The following PHF21A variants were observed in gnomAD, a reference collection of about 807,000 sequenced individuals.
PHF21A encodes the protein PHD finger protein 21A.
In PHF21A, 11 loss-of-function variants were observed where a neutral mutation model predicts 82.5. That is an observed-to-expected ratio of 0.13 (90% CI 0.08 to 0.22). PHF21A has a LOEUF of 0.22. Ranked by LOEUF, PHF21A falls within the 10% of genes least tolerant of loss-of-function variation. The probability of loss-of-function intolerance (pLI) is 1.00; values close to 1 mark genes in which losing one functional copy is unlikely to be tolerated. For synonymous variants in PHF21A, 297 were observed against 302.8 expected (o/e 0.98, Z 0.20); for missense variants, 579 against 837.8 (o/e 0.69, Z 3.81).
At chr11:46,095,933 G>A (rs1435643864) in intron 1 of PHF21A, among the ~76,000 whole-genome samples, 1 of 152,128 alleles carries the variant, frequency 6.6e-6, no homozygotes, top group Non-Finnish European at 1.5e-5. Flanking sequence ...TTACCCAGAA[G>A]ATTCAATCTC....
chr11:46,095,863 T>G (rs1167347637), intron 1 of PHF21A, among the ~76,000 whole-genome samples: 1 of 152,184 alleles, frequency 6.6e-6, no homozygotes, highest in Non-Finnish European at 1.5e-5. Flanking sequence ...ATCATAAATT[T>G]TGATAAGGGA....
chr11:46,024,136 A>T (rs2095690401), intron 6 of PHF21A, among the ~76,000 whole-genome samples: 1 of 152,168 alleles, frequency 6.6e-6, no homozygotes, highest in Non-Finnish European at 1.5e-5. Flanking sequence ...TAATGATTTT[A>T]TATGTTGGGC....
intron 1 of PHF21A, chr11:46,116,733 G>C (rs772907449): frequency 2.6e-5 from 4 of 152,186 alleles, no homozygotes; most frequent in Admixed American, 6.5e-5. Flanking sequence ...GGAGGCCAAG[G>C]CAGGTGGATC....
rs951791835 is a variant in PHF21A, at chr11:46,098,145, T to G, written c.-236-5922A>C. 5.9e-5 allele frequency among the ~76,000 whole-genome samples: 9 copies of G among 152,300 alleles called. No individual in the cohort carries two copies. The South Asian group carries it at 6.2e-4, about 11-fold the overall frequency. The stretch of plus-strand genomic sequence containing the variant: ...AGGGCAGATCCATACCTTCATTTCA[T>G]GGAGGAACAGAGGTCCAAGAAGTCC... On this transcript the variant is annotated intron_variant, in intron 1 of 18. Transcript: ENST00000676320.
intron 3 of PHF21A, among the ~76,000 whole-genome samples, chr11:46,086,682 A>T (rs1404584641): frequency 6.6e-6 from 1 of 152,210 alleles, no homozygotes; most frequent in African/African-American, 2.4e-5. Context: ...GTCCAAAATG[A>T]TTCCTTATAA....
At chr11:46,066,793 T>C (rs2096599420) in intron 6 of PHF21A, among the ~76,000 whole-genome samples, 1 of 152,216 alleles carries the variant, frequency 6.6e-6, no homozygotes, top group Non-Finnish European at 1.5e-5. Context: ...ACCTCACTTC[T>C]TAGAGGCAAT....
intron 6 of PHF21A, among the ~76,000 whole-genome samples, chr11:46,017,602 C>T (rs2095542388): frequency 6.6e-6 from 1 of 151,614 alleles, no homozygotes; most frequent in Admixed American, 6.6e-5. Context: ...AAACACCTCC[C>T]TCATCTCCTC....
chr11:45,944,853 G>A (rs1260737287), intron 15 of PHF21A, among the ~76,000 whole-genome samples: 2 of 152,162 alleles, frequency 1.3e-5, no homozygotes, highest in African/African-American at 2.4e-5. Context: ...TGCAACCTCC[G>A]CCTCCTGGGT....
At chr11:46,008,545 G>A (rs900590789) in intron 6 of PHF21A, among the ~76,000 whole-genome samples, 21 of 152,120 alleles carry the variant, frequency 1.4e-4, no homozygotes, top group Admixed American at 1.2e-3. Context: ...AAAAGAGTCT[G>A]CTTTGATTGG....
intron 6 of PHF21A, among the ~76,000 whole-genome samples, chr11:46,074,164 CAAAAG>C (rs1289605190): frequency 6.9e-6 from 1 of 145,428 alleles, no homozygotes; most frequent in Non-Finnish European, 1.5e-5. Context: ...TTTAATAAAA[CAAAAG>C]AAGAGAATAT....
Position 45,931,240 on chromosome 11 carries a change from T to C in PHF21A, c.*2728A>G, listed in dbSNP as rs903254841. ...TCTGAGCAAAGGCCTCTAGTGATGATGGTTTCCCAACTTCTTTCAGGAAAA... is the reference window on the plus strand; with the variant it reads ...TCTGAGCAAAGGCCTCTAGTGATGACGGTTTCCCAACTTCTTTCAGGAAAA... On this transcript the variant is annotated 3_prime_UTR_variant, in exon 19 of 19. Transcript: ENST00000676320. The C allele has an allele frequency of 5.9e-5, 9 of 151,758 alleles. No homozygotes were observed. Among genetic ancestry groups the C allele is most frequent in the African/African-American group, 1.9e-4 (8 of 41,320 alleles). 9.4% of individuals were successfully genotyped at this position (151,758 alleles called of 1,614,324 possible).
chr11:45,989,634 A>C (rs2094610571), intron 6 of PHF21A, among the ~76,000 whole-genome samples: 1 of 151,510 alleles, frequency 6.6e-6, no homozygotes. Context: ...ATGCCACTGC[A>C]CTCCAGCCTG....
intron 1 of PHF21A, among the ~76,000 whole-genome samples, chr11:46,104,949 T>C (rs1244588806): frequency 6.6e-6 from 1 of 152,250 alleles, no homozygotes; most frequent in Non-Finnish European, 1.5e-5. Flanking sequence ...CTTATACTAA[T>C]ACTTGTCTCA....
intron 10 of PHF21A, among the ~76,000 whole-genome samples, chr11:45,964,614 C>T (rs1486273920): frequency 6.6e-6 from 1 of 152,164 alleles, no homozygotes; most frequent in Non-Finnish European, 1.5e-5. Context: ...ATTCTTCTTT[C>T]TCATCACTAG....
intron 6 of PHF21A, among the ~76,000 whole-genome samples, chr11:46,039,630 A>G (rs2096083047): frequency 6.6e-6 from 1 of 152,200 alleles, no homozygotes; most frequent in Admixed American, 6.5e-5. Context: ...AAAAAGCAGG[A>G]GAGGAATAGG....
chr11:45,975,372 T>TAAAACAAAAC (rs200198960), intron 7 of PHF21A, among the ~76,000 whole-genome samples: 68 of 124,704 alleles, frequency 5.5e-4, no homozygotes, highest in South Asian at 3.8e-3. Flanking sequence ...TAAAATAAAA[T>TAAAACAAAAC]AAAATAAAAC....
intron 6 of PHF21A, among the ~76,000 whole-genome samples, chr11:46,006,824 A>G (rs1565504057): frequency 6.6e-6 from 1 of 152,358 alleles, no homozygotes. Flanking sequence ...CCTTGGAATA[A>G]TATTTCTATT....
At chr11:45,979,622 C>T (rs2094193193) in intron 7 of PHF21A, 138 bp downstream of exon 7, 3 of 1,212,150 alleles carry the variant, frequency 2.5e-6, no homozygotes, top group Non-Finnish European at 3.5e-6. Context: ...CTGGGTTATA[C>T]TGTAAAAAAG....
intron 6 of PHF21A, among the ~76,000 whole-genome samples, chr11:46,030,639 A>G (rs1213722341): frequency 1.3e-5 from 2 of 152,216 alleles, no homozygotes; most frequent in East Asian, 1.9e-4. Flanking sequence ...CCTAAAACAC[A>G]TATTTGTATC....
Sources: gnomAD v4.1 joint callset for allele counts (sites outside exome capture counted in the v4.1 genomes callset) on GRCh38, gnomAD v4.1.1 for gene constraint, MANE v1.5 for transcripts, NCBI Gene and HGNC (gene_info 2026-07-23, HGNC 2026-07-21) for gene names.